The following UBE3A variants were observed in gnomAD, a reference collection of about 807,000 sequenced individuals.
UBE3A encodes ubiquitin-protein ligase E3A.
In UBE3A, 6 loss-of-function variants were observed where a neutral mutation model predicts 83.4. The ratio of observed to expected loss-of-function variants is 0.07; its 90% CI spans 0.04 to 0.14. The LOEUF (loss-of-function observed/expected upper bound fraction) is 0.14, where lower values mean the gene tolerates loss of function less well. Among genes scored for constraint, UBE3A ranks in the 10% least tolerant of loss-of-function variants. UBE3A has a pLI of 1.00. For synonymous variants in UBE3A, 337 were observed against 355.4 expected, an observed-to-expected ratio of 0.95 and a Z score of 0.58; for missense variants, 456 against 1,036.1, an observed-to-expected ratio of 0.44 and a Z score of 7.69.
rs2077601204 is a variant in UBE3A at position 25,358,822 on chromosome 15, CA to C, written c.1753+1560del. ...TTGAGTTTCATGGTTTCTATCTAAA[CA>C]TTTTTTTTACAGGCCAAGTTACAAC... is the stretch of plus-strand genomic sequence containing the variant. On this transcript the variant is annotated intron_variant, in intron 7 of 12. Transcript: ENST00000648336. 2.0e-5 allele frequency among the ~76,000 whole-genome samples: 3 copies of C among 152,204 alleles called. No homozygotes were observed. The South Asian group carries it at 6.2e-4, about 32-fold the overall frequency.
chr15:25,413,739 T>C (rs965912772), intron 1 of UBE3A, among the ~76,000 whole-genome samples: 2 of 152,282 alleles, frequency 1.3e-5, no homozygotes, highest in Admixed American at 1.3e-4. Context: ...TCTACTGAAA[T>C]TTTTCTTGTA....
chr15:25,356,112 T>G (rs1595592223), intron 8 of UBE3A, 56 bp from the exon 9 acceptor site: 2 of 1,578,588 alleles, frequency 1.3e-6, no homozygotes, highest in East Asian at 2.2e-5. Context: ...ATACAACAAA[T>G]AATTTATATC....
At chr15:25,417,423 T>A (rs1223908064) in intron 1 of UBE3A, among the ~76,000 whole-genome samples, 1 of 151,824 alleles carries the variant, frequency 6.6e-6, no homozygotes, top group African/African-American at 2.4e-5. Context: ...TCTTAAAAAA[T>A]CATTAAATAT....
intron 4 of UBE3A, among the ~76,000 whole-genome samples, chr15:25,402,375 G>A (rs970187339): frequency 1.3e-5 from 2 of 152,192 alleles, no homozygotes; most frequent in African/African-American, 4.8e-5. Context: ...GTGAAGGCTG[G>A]GTAGGTGGAT....
chr15:25,363,831 T>A lies in UBE3A; in HGVS notation c.1609-3304A>T, dbSNP rs189075740. The stretch of plus-strand genomic sequence containing the variant: ...GGTAACTGAATTCTGTAGGCAAAAA[T>A]TTTGTTATTACCTATTTTAGATTAC... On this transcript the variant is annotated intron_variant, in intron 6 of 12. Coordinates refer to ENST00000648336, the MANE Select transcript of UBE3A (RefSeq NM_130839.5). 4.3e-3 allele frequency among the ~76,000 whole-genome samples: 659 copies of A among 152,140 alleles called. 4 individuals carry two copies. The highest frequency in any genetic ancestry group is 0.015 in the African/African-American group (634 of 41,498).
At chr15:25,367,278 T>C (rs1383884357) in intron 6 of UBE3A, among the ~76,000 whole-genome samples, 3 of 148,318 alleles carry the variant, frequency 2.0e-5, no homozygotes, top group African/African-American at 4.9e-5. Flanking sequence ...AATATTTACA[T>C]ATTTAAATTA....
intron 9 of UBE3A, 143 bp from the exon 10 acceptor site, chr15:25,354,826 T>G: frequency 1.3e-6 from 1 of 768,916 alleles, no homozygotes; most frequent in Non-Finnish European, 2.1e-6. Flanking sequence ...CACCTACTTC[T>G]TAACAATTTC....
At chr15:25,416,806 A>G (rs1887094954) in intron 1 of UBE3A, among the ~76,000 whole-genome samples, 14 of 152,152 alleles carry the variant, frequency 9.2e-5, no homozygotes, top group Admixed American at 8.5e-4. Context: ...GCAGAGGACT[A>G]TAATGCATGA....
chr15:25,436,627 T>C (rs997614764), intron 1 of UBE3A, among the ~76,000 whole-genome samples: 4 of 152,150 alleles, frequency 2.6e-5, no homozygotes, highest in Non-Finnish European at 5.9e-5. Context: ...ACTGATTAAA[T>C]GTTACATGTC....
intron 4 of UBE3A, among the ~76,000 whole-genome samples, chr15:25,392,885 T>A (rs1261720760): frequency 6.6e-6 from 1 of 152,130 alleles, no homozygotes; most frequent in African/African-American, 2.4e-5. Context: ...GATAAGTAAT[T>A]CTTTTTTTAG....
chr15:25,436,779 T>G (rs1895222429), intron 1 of UBE3A, among the ~76,000 whole-genome samples: 1 of 152,140 alleles, frequency 6.6e-6, no homozygotes, highest in African/African-American at 2.4e-5. Flanking sequence ...AGGGCAGAAT[T>G]TAGGACAGAT....
intron 3 of UBE3A, chr15:25,407,299 C>T (rs1212164812): frequency 1.8e-5 from 18 of 1,027,274 alleles, no homozygotes; most frequent in South Asian, 3.0e-5. Flanking sequence ...TTTTCAAACA[C>T]GTAGGCAGCA....
At chr15:25,405,032 T>C (rs2088137219) in intron 4 of UBE3A, among the ~76,000 whole-genome samples, 1 of 152,250 alleles carries the variant, frequency 6.6e-6, no homozygotes, top group South Asian at 2.1e-4. Context: ...CCTCAGTGAC[T>C]GAAATTATTT....
intron 3 of UBE3A, chr15:25,408,662 C>G: frequency 1.2e-6 from 2 of 1,613,574 alleles, no homozygotes; most frequent in Non-Finnish European, 1.7e-6. Context: ...GCAAGCCACT[C>G]CTTTTACCTC....
chr15:25,350,611 C>T (rs1208433095), intron 11 of UBE3A, among the ~76,000 whole-genome samples: 1 of 152,002 alleles, frequency 6.6e-6, no homozygotes, highest in Non-Finnish European at 1.5e-5. Flanking sequence ...CATGTTTGCC[C>T]AGGAGAAATA....
chr15:25,367,202 T>TTGTAAATATGTAAATATTTACATAC (rs2079322558), intron 6 of UBE3A, among the ~76,000 whole-genome samples: 3 of 98,218 alleles, frequency 3.1e-5, no homozygotes, highest in Admixed American at 1.7e-4. Flanking sequence ...TATTTACATA[T>TTGTAAATATGTAAATATTTACATAC]TTGTAAATAT....
chr15:25,379,858 C>T (rs895952855), intron 4 of UBE3A, among the ~76,000 whole-genome samples: 17 of 152,022 alleles, frequency 1.1e-4, no homozygotes, highest in South Asian at 4.1e-4. Flanking sequence ...TAGTTTGTAA[C>T]GTGAAAATTA....
At position 25,371,312 on chromosome 15, in the gene UBE3A, T is replaced by G. The variant is rs753919582; in HGVS notation, c.862A>C (p.Met288Leu). The part of the protein sequence containing the change: ...PNYLNLFIIV[M>L]ENRNLHSPEY... The stretch of plus-strand genomic sequence containing the variant: ...GGACTGTGGAGATTTCTATTCTCCA[T>G]TACGATAATGAACAAATTCAGATAA... Residue 288 changes from methionine (M) to leucine (L), a missense_variant, in exon 6 of 13, where the codon ATG becomes CTG. By Grantham distance (15) the Met-to-Leu change is conservative (BLOSUM62 2). This residue lies in a region of UBE3A where 40 missense variants were observed against 124.8 expected (regional missense o/e 0.32). Coordinates refer to ENST00000648336, the MANE Select transcript of UBE3A (RefSeq NM_130839.5). The surrounding 1 kb of genome is among the most constrained non-coding windows in gnomAD (Gnocchi z 5.3). 4.3e-6 allele frequency: 7 copies of G among 1,614,002 alleles called. No homozygotes were observed. The highest frequency in any genetic ancestry group is 2.5e-6 in the Non-Finnish European group (3 of 1,180,002).
Position 25,371,228 on chromosome 15 carries a change from C to A in UBE3A, c.946G>T (p.Ala316Ser), listed in dbSNP as rs774629852. ...AGTCTGATCAGTTTTCCTTGGGCTGCAAGGGGTAGCTTGCTCATCGCTTTG... is the reference window on the plus strand; with the variant it reads ...AGTCTGATCAGTTTTCCTTGGGCTGAAAGGGGTAGCTTGCTCATCGCTTTG... ...FCKAMSKLPL[A>S]AQGKLIRLWS... is the part of the protein sequence containing the mutation. Residue 316 changes from alanine (A) to serine (S), a missense_variant, in exon 6 of 13, where the codon GCA becomes TCA. Physicochemically the swap from Ala to Ser is moderately conservative, Grantham distance 99 (BLOSUM62 1). Coordinates refer to ENST00000648336, the MANE Select transcript of UBE3A (RefSeq NM_130839.5). The surrounding 1 kb of genome is among the most constrained non-coding windows in gnomAD (Gnocchi z 5.3). The A allele has an allele frequency of 6.2e-7, 1 of 1,614,138 alleles. No individual in the cohort carries two copies. Among genetic ancestry groups the A allele is most frequent in the Admixed American group, 1.7e-5 (1 of 60,012 alleles).
Sources: gnomAD v4.1 joint callset for allele counts (sites outside exome capture counted in the v4.1 genomes callset) on GRCh38, gnomAD v4.1.1 for gene constraint, gnomAD v4.1.1 regional missense constraint, Gnocchi (gnomAD v3.1) non-coding constraint, MANE v1.5 for transcripts, NCBI Gene and HGNC (gene_info 2026-07-23, HGNC 2026-07-21) for gene names.